Variants in PDIA6 observed in about 807,000 individuals in gnomAD.
PDIA6 encodes protein disulfide-isomerase A6.
A neutral mutation model predicts 58.4 loss-of-function variants in PDIA6; 29 were observed. The ratio of observed to expected loss-of-function variants is 0.50; its 90% CI spans 0.37 to 0.68. PDIA6 has a LOEUF of 0.68. Ranked by LOEUF, PDIA6 falls within the 30% of genes least tolerant of loss-of-function variation. The probability of loss-of-function intolerance (pLI) is 0.00; values close to 1 mark genes in which losing one functional copy is unlikely to be tolerated. For missense variants in PDIA6, 480 were observed against 551.0 expected (o/e 0.87, Z 1.29); for synonymous variants, 192 against 202.6 (o/e 0.95, Z 0.44).
At chr2:10,791,398 G>A (rs571815229) in intron 6 of PDIA6, among the ~76,000 whole-genome samples, 6 of 152,224 alleles carry the variant, frequency 3.9e-5, no homozygotes, top group East Asian at 3.9e-4. Flanking sequence ...CGCCTGCCTC[G>A]GCCTCCCAAA....
chr2:10,826,297 G>C (rs1274296773), intron 1 of PDIA6, among the ~76,000 whole-genome samples: 1 of 152,190 alleles, frequency 6.6e-6, no homozygotes, highest in Non-Finnish European at 1.5e-5. Context: ...GTTTGTGGCT[G>C]TCTAGGGCTG....
chr2:10,825,489 C>T (rs1166787289), intron 1 of PDIA6, among the ~76,000 whole-genome samples: 1 of 152,176 alleles, frequency 6.6e-6, no homozygotes, highest in African/African-American at 2.4e-5. Context: ...ATTTGGAATT[C>T]ATCAAATTAA....
chr2:10,825,608 G>A (rs904034435), intron 1 of PDIA6, among the ~76,000 whole-genome samples: 3 of 152,076 alleles, frequency 2.0e-5, no homozygotes, highest in Non-Finnish European at 4.4e-5. Flanking sequence ...GAATGTATAA[G>A]GAATGATTAC....
chr2:10,836,363 ATTAT>A (rs746623002), upstream of PDIA6, among the ~76,000 whole-genome samples: 2 of 151,862 alleles, frequency 1.3e-5, no homozygotes, highest in Non-Finnish European at 2.9e-5. Context: ...GTGTTATTTT[ATTAT>A]TTATTTATTT....
chr2:10,835,305 G>T (rs1438330086), upstream of PDIA6, among the ~76,000 whole-genome samples: 1 of 152,182 alleles, frequency 6.6e-6, no homozygotes, highest in Non-Finnish European at 1.5e-5. Context: ...GCTGGCAGGC[G>T]GGTGAGGTGG....
chr2:10,810,087 TG>T (rs1277519548), intron 1 of PDIA6, among the ~76,000 whole-genome samples: 1 of 152,216 alleles, frequency 6.6e-6, no homozygotes, highest in African/African-American at 2.4e-5. Context: ...TCTTTATTTC[TG>T]GCGAGACAAA....
intron 2 of PDIA6, among the ~76,000 whole-genome samples, chr2:10,802,167 TA>T (rs1360137203): frequency 1.3e-5 from 2 of 152,246 alleles, no homozygotes; most frequent in Non-Finnish European, 2.9e-5. Flanking sequence ...AAAGAATTTT[TA>T]AATTAAACCA....
Position 10,784,992 on chromosome 2 carries a change from C to G in PDIA6, c.1196G>C (p.Gly399Ala). 1 of 1,587,302 alleles carries G rather than the reference C, an allele frequency of 6.3e-7. No homozygotes were observed. Among genetic ancestry groups the G allele is most frequent in the Non-Finnish European group, 8.6e-7 (1 of 1,165,414 alleles). ...SFGRGSTAPV[G>A]GGAFPTIVER... Reference sequence around the variant, plus strand: ...AACGATGGTAGGGAAAGCCCCGCCTCCTACAGGTGCCGTGGAGCCACGCCC... The same window carrying G: ...AACGATGGTAGGGAAAGCCCCGCCTGCTACAGGTGCCGTGGAGCCACGCCC... The change falls in exon 12 of 13, where the codon GGA becomes GCA. Residue 399 changes from glycine (G) to alanine (A), a missense_variant. Physicochemically the swap from Gly to Ala is moderately conservative, Grantham distance 60. Transcript: ENST00000272227.
chr2:10,831,062 T>C lies in PDIA6; in HGVS notation c.-48+1140A>G, dbSNP rs879772814. On this transcript the variant is annotated intron_variant, in intron 1 of 13. Coordinates refer to the PDIA6 transcript ENST00000381611. ...CTTGTGGGAGCGCAGCGGACTCCGC[T>C]CTGCTTCCAGCCGCTGGTGAGACCC... Among the ~76,000 whole-genome samples the C allele has an allele frequency of 3.3e-4, 50 of 152,286 alleles. 1 individual carries two copies. Among genetic ancestry groups the C allele is most frequent in the South Asian group, 1.0e-3 (5 of 4,830 alleles).
At chr2:10,832,640 C>G (rs543420314), upstream of PDIA6, among the ~76,000 whole-genome samples, 2 of 152,310 alleles carry the variant, frequency 1.3e-5, no homozygotes, top group South Asian at 4.1e-4. Context: ...ACTAAAAAAT[C>G]GGGGCTGTGG....
intron 2 of PDIA6, among the ~76,000 whole-genome samples, chr2:10,818,035 A>G (rs1021298208): frequency 6.6e-6 from 1 of 152,132 alleles, no homozygotes; most frequent in East Asian, 1.9e-4. Context: ...TCCTCTCTGG[A>G]CTTTCTCATT....
At chr2:10,792,784 C>A (rs1237298109) in intron 5 of PDIA6, among the ~76,000 whole-genome samples, 1 of 152,194 alleles carries the variant, frequency 6.6e-6, no homozygotes, top group Non-Finnish European at 1.5e-5. Flanking sequence ...GAAAACCCGT[C>A]CATCCCATCC....
At chr2:10,824,560 A>C (rs1235200816) in intron 1 of PDIA6, among the ~76,000 whole-genome samples, 1 of 152,202 alleles carries the variant, frequency 6.6e-6, no homozygotes, top group African/African-American at 2.4e-5. Flanking sequence ...AACCAATCAG[A>C]GTGAAGCTCT....
chr2:10,802,732 G>A, intron 1 of PDIA6, 92 bp from the exon 2 acceptor site: 1 of 1,017,608 alleles, frequency 9.8e-7, no homozygotes. Flanking sequence ...AACTGACCAG[G>A]GCCCTTCACA....
chr2:10,785,617 G>C (rs1412847615), intron 11 of PDIA6, among the ~76,000 whole-genome samples: 1 of 152,026 alleles, frequency 6.6e-6, no homozygotes, highest in Non-Finnish European at 1.5e-5. Flanking sequence ...CAATGGGCTA[G>C]AATAAGCAAA....
chr2:10,834,886 C>T (rs1238114344), upstream of PDIA6, among the ~76,000 whole-genome samples: 1 of 152,054 alleles, frequency 6.6e-6, no homozygotes, highest in South Asian at 2.1e-4. Context: ...CTTGCCTCAG[C>T]CTCCTTAGTA....
At chr2:10,789,089 C>T in intron 8 of PDIA6, 108 bp from the exon 9 acceptor site, 1 of 779,930 alleles carries the variant, frequency 1.3e-6, no homozygotes, top group South Asian at 1.4e-5. Flanking sequence ...GAAAACATTT[C>T]TCCCACGACT....
intron 11 of PDIA6, among the ~76,000 whole-genome samples, chr2:10,786,475 G>T (rs986564764): frequency 1.3e-5 from 2 of 152,040 alleles, no homozygotes; most frequent in African/African-American, 4.8e-5. Flanking sequence ...TCAAGGCAGA[G>T]CTGTGACTGA....
rs143790029 is a variant in PDIA6, at chr2:10,798,493, G to A, written c.162-736C>T. 2.5e-3 allele frequency among the ~76,000 whole-genome samples: 379 copies of A among 151,372 alleles called. 1 individual carries two copies. Among genetic ancestry groups the A allele is most frequent in the African/African-American group, 8.9e-3 (366 of 41,250 alleles). On this transcript the variant is annotated intron_variant, in intron 2 of 12. Coordinates refer to ENST00000272227, the MANE Select transcript of PDIA6 (RefSeq NM_005742.4). Reference sequence around the variant, plus strand: ...TGAGGGAGGGGAATCGCTTGAACTCGGGAAACGGAGGTTGCAGTGAGCTGA... The same window carrying A: ...TGAGGGAGGGGAATCGCTTGAACTCAGGAAACGGAGGTTGCAGTGAGCTGA...
Sources: gnomAD v4.1 joint callset for allele counts (sites outside exome capture counted in the v4.1 genomes callset) on GRCh38, gnomAD v4.1.1 for gene constraint, MANE v1.5 for transcripts, NCBI Gene and HGNC (gene_info 2026-07-23, HGNC 2026-07-21) for gene names.